The following GRM7 variants were observed in gnomAD, a reference collection of about 807,000 sequenced individuals.
The protein encoded by GRM7 is glutamate metabotropic receptor 7.
In GRM7, 35 loss-of-function variants were observed where a neutral mutation model predicts 84.5. The ratio of observed to expected loss-of-function variants is 0.41; its 90% CI spans 0.32 to 0.55. The LOEUF is 0.55. Among genes scored for constraint, GRM7 ranks in the 20% least tolerant of loss-of-function variants. GRM7 has a pLI of 0.19. For missense variants in GRM7, 1,003 were observed against 1,194.6 expected (o/e 0.84, Z 2.36); for synonymous variants, 487 against 455.1 (o/e 1.07, Z -0.89).
At chr3:7,150,548 T>C (rs1471506007) in intron 2 of GRM7, among the ~76,000 whole-genome samples, 1 of 152,232 alleles carries the variant, frequency 6.6e-6, no homozygotes, top group East Asian at 1.9e-4. Flanking sequence ...TATGTGTGGA[T>C]ACTTTTCCTT....
intron 7 of GRM7, among the ~76,000 whole-genome samples, chr3:7,541,160 C>T (rs1692864767): frequency 6.6e-6 from 1 of 151,854 alleles, no homozygotes; most frequent in African/African-American, 2.4e-5. Flanking sequence ...CTTTATCATG[C>T]TTCATTTCAT....
chr3:7,035,463 A>G (rs1458688746), intron 1 of GRM7, among the ~76,000 whole-genome samples: 1 of 152,156 alleles, frequency 6.6e-6, no homozygotes, highest in Non-Finnish European at 1.5e-5. Context: ...AAATTTTAAA[A>G]AGAGTGAGAG....
chr3:7,517,919 C>T (rs942449240), intron 7 of GRM7, among the ~76,000 whole-genome samples: 1 of 152,182 alleles, frequency 6.6e-6, no homozygotes, highest in African/African-American at 2.4e-5. Context: ...TACAGCGGCT[C>T]AGGACCTTTA....
chr3:6,881,922 TG>T (rs1459140608), intron 1 of GRM7, among the ~76,000 whole-genome samples: 1 of 2,420 alleles, frequency 4.1e-4, no homozygotes, highest in Non-Finnish European at 1.0e-3. Context: ...GCAATTGAAT[TG>T]TGTGTGTGTG....
At chr3:7,158,798 C>T (rs976365271) in intron 2 of GRM7, among the ~76,000 whole-genome samples, 1 of 152,152 alleles carries the variant, frequency 6.6e-6, no homozygotes, top group Non-Finnish European at 1.5e-5. Context: ...TAAATCTCAC[C>T]TCTCTAGAGA....
At position 7,223,705 on chromosome 3, in the gene GRM7, T is replaced by C. The variant is rs185076057; in HGVS notation, c.737-74979T>C. Among the ~76,000 whole-genome samples the C allele has an allele frequency of 3.6e-3, 543 of 152,326 alleles. 9 individuals carry two copies. The highest frequency in any genetic ancestry group is 0.033 in the Admixed American group (506 of 15,300). On this transcript the variant is annotated intron_variant, in intron 2 of 9. Coordinates refer to ENST00000357716, the MANE Select transcript of GRM7 (RefSeq NM_000844.4). ...AAAACCTCCTATGCTTATATCATTC[T>C]CACAGGGACACTCTTAAAATTATCT...
At chr3:7,719,792 A>G (rs1032960160) in intron 9 of GRM7, among the ~76,000 whole-genome samples, 2 of 147,676 alleles carry the variant, frequency 1.4e-5, no homozygotes, top group Non-Finnish European at 3.0e-5. Context: ...ACACACACAC[A>G]CACACACACA....
chr3:7,589,933 G>C lies in GRM7; in HGVS notation c.2451+10576G>C, dbSNP rs187490240. On this transcript the variant is annotated intron_variant, in intron 8 of 9. Transcript: ENST00000357716. ...ACTTATAACCAACAGTGATTTTTTT[G>C]ATCCAAGGCCTCCCTTCATACAGGT... 1.8e-3 allele frequency among the ~76,000 whole-genome samples: 274 copies of C among 151,458 alleles called. 4 individuals carry two copies. The highest frequency in any genetic ancestry group is 0.017 in the Admixed American group (262 of 15,214).
intron 5 of GRM7, among the ~76,000 whole-genome samples, chr3:7,436,487 T>C (rs1014995113): frequency 1.3e-5 from 1 of 77,176 alleles, no homozygotes; most frequent in Non-Finnish European, 2.7e-5. Flanking sequence ...GGGCCATACT[T>C]TGTCTACCTC....
chr3:7,562,717 G>C (rs904077074), intron 7 of GRM7, among the ~76,000 whole-genome samples: 1 of 152,090 alleles, frequency 6.6e-6, no homozygotes, highest in Non-Finnish European at 1.5e-5. Flanking sequence ...AGAATGGTTT[G>C]TTCTATACTC....
At chr3:7,194,165 G>A (rs1695806465) in intron 2 of GRM7, among the ~76,000 whole-genome samples, 1 of 151,962 alleles carries the variant, frequency 6.6e-6, no homozygotes, top group Admixed American at 6.6e-5. Flanking sequence ...TCCTCCTCCA[G>A]TTTGTGGTTT....
chr3:6,948,113 G>T (rs1199188815), intron 1 of GRM7, among the ~76,000 whole-genome samples: 17 of 152,030 alleles, frequency 1.1e-4, no homozygotes, highest in Admixed American at 9.8e-4. Flanking sequence ...GAATGTGTTT[G>T]CTGTTGCTTC....
At chr3:7,292,307 G>C (rs1182667677) in intron 2 of GRM7, among the ~76,000 whole-genome samples, 2 of 152,120 alleles carry the variant, frequency 1.3e-5, no homozygotes, top group Admixed American at 1.3e-4. Context: ...CCTCTAACAA[G>C]ACGTGTTGTA....
chr3:7,103,924 C>G (rs1308996194), intron 1 of GRM7, among the ~76,000 whole-genome samples: 1 of 150,528 alleles, frequency 6.6e-6, no homozygotes, highest in Non-Finnish European at 1.5e-5. Flanking sequence ...ATCCAGAACC[C>G]ACCAGTTAAG....
intron 4 of GRM7, among the ~76,000 whole-genome samples, chr3:7,352,168 A>G (rs530164070): frequency 6.6e-6 from 1 of 151,400 alleles, no homozygotes; most frequent in Admixed American, 6.6e-5. Flanking sequence ...TGATTTTATA[A>G]TCTGATTAGA....
intron 9 of GRM7, among the ~76,000 whole-genome samples, chr3:7,719,779 A>AACACACACACAC (rs71043692): frequency 0.014 from 1,853 of 133,482 alleles, 21 homozygotes; most frequent in South Asian, 0.019. Flanking sequence ...ACCACTGGGC[A>AACACACACACAC]ACACACACAC....
At chr3:7,189,994 A>C (rs1192041818) in intron 2 of GRM7, among the ~76,000 whole-genome samples, 1 of 152,082 alleles carries the variant, frequency 6.6e-6, no homozygotes, top group African/African-American at 2.4e-5. Context: ...ACAGAGAAGC[A>C]TACATACATA....
At chr3:7,577,028 C>T (rs1266384989) in intron 7 of GRM7, among the ~76,000 whole-genome samples, 1 of 152,174 alleles carries the variant, frequency 6.6e-6, no homozygotes, top group East Asian at 1.9e-4. Context: ...TAATAAATTC[C>T]TCCTTTTAGC....
At chr3:6,962,466 A>G (rs1022059285) in intron 1 of GRM7, among the ~76,000 whole-genome samples, 2 of 152,232 alleles carry the variant, frequency 1.3e-5, no homozygotes, top group African/African-American at 4.8e-5. Context: ...ATACAAAATG[A>G]GAAAGGAAAA....
Sources: allele counts gnomAD v4.1 joint callset (sites outside exome capture counted in the v4.1 genomes callset), GRCh38; gene constraint gnomAD v4.1.1; transcripts MANE v1.5; gene names NCBI Gene and HGNC (gene_info 2026-07-23, HGNC 2026-07-21).